The following KCTD21 variants were observed in gnomAD, a reference collection of about 807,000 sequenced individuals.
The protein encoded by KCTD21 is BTB/POZ domain-containing protein KCTD21.
KCTD21 carries 9 observed loss-of-function variants against 13.2 expected under a neutral mutation model. That is an observed-to-expected ratio of 0.68 (90% CI 0.41 to 1.19). The LOEUF (loss-of-function observed/expected upper bound fraction) is 1.19, where lower values mean the gene tolerates loss of function less well. Among genes scored for constraint, KCTD21 ranks in the 50% most tolerant of loss-of-function variants. The pLI is 0.01. For synonymous variants in KCTD21, 142 were observed against 137.4 expected, an observed-to-expected ratio of 1.03 and a Z score of -0.23; for missense variants, 303 against 336.5, an observed-to-expected ratio of 0.90 and a Z score of 0.78.
At position 78,186,929 on chromosome 11, in the gene KCTD21, G is replaced by A. The variant is rs1048152026; in HGVS notation, c.-30+1644C>T. 7.1e-6 allele frequency: 7 copies of A among 985,352 alleles called. No homozygotes were observed. The Admixed American group carries it at 4.3e-4, about 61-fold the overall frequency. 61.0% of individuals were successfully genotyped at this position (985,352 alleles called of 1,614,324 possible). On this transcript the variant is annotated intron_variant, in intron 1 of 1. Transcript: ENST00000340067. Reference sequence around the variant, plus strand: ...CCCCTTTCTATATCCACAGAAGCACGTAGAATAGGGGAAGAGGAAGAAATT... The same window carrying A: ...CCCCTTTCTATATCCACAGAAGCACATAGAATAGGGGAAGAGGAAGAAATT...
At position 78,187,836 on chromosome 11, in the gene KCTD21, C is replaced by A; in HGVS notation, c.-30+737G>T. On this transcript the variant is annotated intron_variant, in intron 1 of 1. Transcript: ENST00000340067. ...CTCCCACGCCAAGCTAAACCTCTGC[C>A]TCCCCGAGTGCAGGGAGAAAAGCAA... The A allele has an allele frequency of 3.0e-6, 3 of 985,432 alleles. No homozygotes were observed. The South Asian group carries it at 1.4e-4, about 46-fold the overall frequency. 61.0% of individuals were successfully genotyped at this position (985,432 alleles called of 1,614,324 possible). A position where few individuals can be genotyped will look rare whatever the true frequency, so the allele number is the denominator to read the frequency against.
Position 78,188,583 on chromosome 11 carries a change from C to T in KCTD21, c.-40G>A, listed in dbSNP as rs974764553. On this transcript the variant is annotated 5_prime_UTR_variant, in exon 1 of 2. Transcript: ENST00000340067. ...CCGTGCCGCACCCACCTCCTGCCCT[C>T]GCTCTGCAGCCTCTCCCTCCGCGAG... 1.0e-6 allele frequency: 1 copy of T among 985,596 alleles called. No homozygotes were observed. Among genetic ancestry groups the T allele is most frequent in the Non-Finnish European group, 1.2e-6 (1 of 830,104 alleles). 61.1% of individuals were successfully genotyped at this position (985,596 alleles called of 1,614,324 possible).
chr11:78,178,711 C>G lies in KCTD21; in HGVS notation c.-29-4128G>C, dbSNP rs186876375. Among the ~76,000 whole-genome samples the G allele has an allele frequency of 4.6e-5, 7 of 152,296 alleles. No homozygotes were observed. In the East Asian group the frequency reaches 1.4e-3, roughly 29 times the overall value. On this transcript the variant is annotated intron_variant, in intron 1 of 1. Coordinates refer to ENST00000340067, the MANE Select transcript of KCTD21 (RefSeq NM_001029859.3). ...TGCTAACTTCATAAAAGAGAAAACA[C>G]CAAGGTCTGGGGCAAAAAATCTGAG...
In KCTD21 at chr11:78,188,182, C is replaced by T. The variant is rs890422365; in HGVS notation, c.-30+391G>A. On this transcript the variant is annotated intron_variant, in intron 1 of 1. Coordinates refer to ENST00000340067, the MANE Select transcript of KCTD21 (RefSeq NM_001029859.3). ...CCAATCTCACCCAGGCTGGCCTCAT[C>T]GGCTTGTTCCGCACCCACTCCCCAG... is the stretch of plus-strand genomic sequence containing the variant. The T allele has an allele frequency of 9.9e-5, 98 of 985,334 alleles. No individual in the cohort carries two copies. The Middle Eastern group carries it at 4.7e-3, about 47-fold the overall frequency. 61.0% of individuals were successfully genotyped at this position (985,334 alleles called of 1,614,324 possible).
At chr11:78,181,292 C>T (rs933135471) in intron 1 of KCTD21, among the ~76,000 whole-genome samples, 16 of 152,170 alleles carry the variant, frequency 1.1e-4, no homozygotes, top group African/African-American at 2.4e-5. Flanking sequence ...AGATAAATTG[C>T]AGTACATCCA....
chr11:78,187,961 C>G, intron 1 of KCTD21: 2 of 985,434 alleles, frequency 2.0e-6, no homozygotes, highest in Non-Finnish European at 2.4e-6. Flanking sequence ...GACGCCTCTA[C>G]TTTTCAGGGC....
At chr11:78,185,872 G>A (rs1202749424) in intron 1 of KCTD21, among the ~76,000 whole-genome samples, 11 of 152,212 alleles carry the variant, frequency 7.2e-5, no homozygotes, top group African/African-American at 2.6e-4. Context: ...GATTACAGGC[G>A]TGAGCCACCG....
At chr11:78,177,977 G>A (rs1862502453) in intron 1 of KCTD21, 1 of 152,170 alleles carries the variant, frequency 6.6e-6, no homozygotes, top group African/African-American at 2.4e-5. Flanking sequence ...ATGGCTCCCG[G>A]TCATTTGTCT....
chr11:78,179,875 A>T (rs1321109001), intron 1 of KCTD21, among the ~76,000 whole-genome samples: 1 of 152,132 alleles, frequency 6.6e-6, no homozygotes, highest in Non-Finnish European at 1.5e-5. Flanking sequence ...CTAGGTTAAC[A>T]GCTCTCCTCT....
Position 78,174,264 on chromosome 11 carries a change from C to T in KCTD21, c.291G>A (p.Gln97=). 6.2e-7 allele frequency: 1 copy of T among 1,614,050 alleles called. No homozygotes were observed. Among genetic ancestry groups the T allele is most frequent in the Middle Eastern group, 1.6e-4 (1 of 6,062 alleles). ...CCTTGGAGAGCTCCACTTCCTTCTC[C>T]TGCAGGGCCTCAATCAGGGGCTGCA... The part of the protein sequence containing the change: ...YQVQPLIEAL[Q]EKEVELSKAE... Residue 97 remains glutamine (Q), a synonymous_variant, in exon 2 of 2, where the codon CAG becomes CAA. Coordinates refer to ENST00000340067, the MANE Select transcript of KCTD21 (RefSeq NM_001029859.3).
intron 1 of KCTD21, chr11:78,188,281 A>G (rs1216536869): frequency 1.1e-6 from 1 of 875,400 alleles, no homozygotes; most frequent in Non-Finnish European, 1.3e-6. Context: ...TGCCCCACCC[A>G]CCAAGGACTC....
At chr11:78,184,120 T>C (rs912487319) in intron 1 of KCTD21, among the ~76,000 whole-genome samples, 1 of 152,348 alleles carries the variant, frequency 6.6e-6, no homozygotes, top group East Asian at 1.9e-4. Context: ...AGATTACTTA[T>C]TAATTGTAAG....
At chr11:78,186,516 C>T (rs997201523) in intron 1 of KCTD21, among the ~76,000 whole-genome samples, 113 of 151,986 alleles carry the variant, frequency 7.4e-4, no homozygotes, top group African/African-American at 2.6e-3. Context: ...CTGTGCAGCC[C>T]TGGGCACGTT....
intron 1 of KCTD21, 106 bp from the exon 2 acceptor site, chr11:78,174,689 T>C (rs1200613467): frequency 2.7e-6 from 2 of 740,386 alleles, no homozygotes; most frequent in South Asian, 1.9e-5. Flanking sequence ...GGGATCGAAA[T>C]GAATTAATAC....
chr11:78,181,712 G>A (rs1447373339), intron 1 of KCTD21, among the ~76,000 whole-genome samples: 3 of 152,058 alleles, frequency 2.0e-5, no homozygotes, highest in African/African-American at 4.8e-5. Context: ...TTGAGAGGCC[G>A]AGGCAGGAGG....
rs1320533228 is a variant in KCTD21 at position 78,187,482 on chromosome 11, C to T, written c.-30+1091G>A. The T allele has an allele frequency of 5.1e-6, 5 of 985,288 alleles. No individual in the cohort carries two copies. In the African/African-American group the frequency reaches 7.0e-5, roughly 14 times the overall value. 61.0% of individuals were successfully genotyped at this position (985,288 alleles called of 1,614,324 possible). ...GGAAGAAGGAGACCACGGAATCTGG[C>T]ACGGCAAGGTATTCTTTCATCTGGC... On this transcript the variant is annotated intron_variant, in intron 1 of 1. Coordinates refer to ENST00000340067, the MANE Select transcript of KCTD21 (RefSeq NM_001029859.3).
rs534396455 is a variant in KCTD21, at chr11:78,174,227, C to T, written c.328G>A (p.Ala110Thr). The T allele has an allele frequency of 6.2e-7, 1 of 1,614,074 alleles. No homozygotes were observed. Among genetic ancestry groups the T allele is most frequent in the South Asian group, 1.1e-5 (1 of 91,074 alleles). ...EVELSKAEKN[A>T]MLNITLNQRV... ...TGGTTCAGTGTGATGTTGAGCATGG[C>T]ATTCTTCTCGGCCTTGGAGAGCTCC... Residue 110 changes from alanine to threonine, a missense_variant, in exon 2 of 2, where the codon GCC (alanine) becomes ACC (threonine). Ala to Thr is a moderately conservative substitution (Grantham distance 58). Transcript: ENST00000340067.
intron 1 of KCTD21, among the ~76,000 whole-genome samples, chr11:78,175,961 C>T (rs1410747512): frequency 6.6e-6 from 1 of 152,022 alleles, no homozygotes; most frequent in African/African-American, 2.4e-5. Flanking sequence ...TCAATTCCCA[C>T]CTATGAGTGA....
chr11:78,177,268 C>T (rs1355894135), intron 1 of KCTD21, among the ~76,000 whole-genome samples: 1 of 152,222 alleles, frequency 6.6e-6, no homozygotes, highest in Admixed American at 6.5e-5. Flanking sequence ...TGATTCCTCC[C>T]CAGTCTAATG....
Sources: gnomAD v4.1 joint callset for allele counts (sites outside exome capture counted in the v4.1 genomes callset) on GRCh38, gnomAD v4.1.1 for gene constraint, MANE v1.5 for transcripts, NCBI Gene and HGNC (gene_info 2026-07-23, HGNC 2026-07-21) for gene names.